The following IGLL1 variants were observed in gnomAD, a reference collection of about 807,000 sequenced individuals.
IGLL1 encodes immunoglobulin lambda like polypeptide 1.
Under a neutral mutation model 10.5 loss-of-function variants are expected in IGLL1, and 10 were observed. The ratio of observed to expected loss-of-function variants is 0.95; its 90% CI spans 0.59 to 1.62. The LOEUF is 1.62. Ranked by LOEUF, IGLL1 falls within the 40% of genes most tolerant of loss-of-function variation. IGLL1 has a pLI of 0.00. For synonymous variants in IGLL1, 141 were observed against 122.7 expected (o/e 1.15, Z -0.99); for missense variants, 284 against 278.7 (o/e 1.02, Z -0.14).
chr22:23,576,700 G>A (rs1179550667), intron 1 of IGLL1, among the ~76,000 whole-genome samples: 1 of 152,160 alleles, frequency 6.6e-6, no homozygotes, highest in Non-Finnish European at 1.5e-5. Context: ...TCAAAGTGCT[G>A]GGATTATAGG....
At chr22:23,578,031 G>A (rs1046456929) in intron 1 of IGLL1, among the ~76,000 whole-genome samples, 2 of 151,390 alleles carry the variant, frequency 1.3e-5, no homozygotes, top group Admixed American at 6.6e-5. Flanking sequence ...CTATAGGCTC[G>A]CGCCACCACG....
intron 2 of IGLL1, 63 bp downstream of exon 2, chr22:23,574,904 G>C: frequency 8.6e-7 from 1 of 1,166,840 alleles, no homozygotes; most frequent in Non-Finnish European, 1.3e-6. Context: ...GCCCCAGAGA[G>C]AGAAAACACA....
chr22:23,580,035 A>T lies in IGLL1; in HGVS notation c.156T>A (p.Pro52=). 1 of 1,577,166 alleles carries T rather than the reference A, an allele frequency of 6.3e-7. No homozygotes were observed. The highest frequency in any genetic ancestry group is 2.3e-5 in the East Asian group (1 of 43,332). The stretch of plus-strand genomic sequence containing the variant: ...ACCGGCTGCTTCCTCCAGGGGCTCC[A>T]GGGCCCAGGGCCCTGCTCTGCGATG... The part of the protein sequence containing the change: ...TAASQSRALG[P]GAPGGSSRSS... The change falls in exon 1 of 3, where the codon CCT becomes CCA. Residue 52 remains proline (P), a synonymous_variant. Coordinates refer to ENST00000330377, the MANE Select transcript of IGLL1 (RefSeq NM_020070.4).
At chr22:23,579,749 T>C (rs142979682) in intron 1 of IGLL1, among the ~76,000 whole-genome samples, 1 of 152,212 alleles carries the variant, frequency 6.6e-6, no homozygotes, top group Non-Finnish European at 1.5e-5. Context: ...GTGCCAAATG[T>C]AAGTGGGGGA....
intron 1 of IGLL1, among the ~76,000 whole-genome samples, chr22:23,577,713 T>A (rs1402681701): frequency 6.6e-6 from 1 of 151,930 alleles, no homozygotes; most frequent in Admixed American, 6.6e-5. Flanking sequence ...TTTTTATATG[T>A]TTTGTAGAAA....
In IGLL1 at chr22:23,580,032, TC is replaced by T; in HGVS notation, c.158del (p.Gly53GlufsTer11). On this transcript the variant is annotated frameshift_variant, in exon 1 of 3. Transcript: ENST00000330377. LOFTEE classifies it high-confidence loss of function. ...TGGACCGGCTGCTTCCTCCAGGGGC[TC>T]CAGGGCCCAGGGCCCTGCTCTGCGA... ...AASQSRALGPGAPGGSSRSSL... is the reference protein window; with the variant it reads ...AASQSRALGPXAPGGSSRSSL... 1 of 1,580,930 alleles carries T rather than the reference TC, an allele frequency of 6.3e-7. No individual in the cohort carries two copies.
chr22:23,573,692 G>A (rs1924910957), intron 2 of IGLL1, 107 bp from the exon 3 acceptor site: 1 of 828,294 alleles, frequency 1.2e-6, no homozygotes, highest in Non-Finnish European at 2.0e-6. Context: ...GTGGCCGCCT[G>A]GTCCACCCAG....
chr22:23,579,198 G>T (rs1925211472), intron 1 of IGLL1, among the ~76,000 whole-genome samples: 1 of 152,000 alleles, frequency 6.6e-6, no homozygotes, highest in Admixed American at 6.6e-5. Context: ...CCACCGAGAG[G>T]GAGGTTCTGC....
chr22:23,573,677 A>G lies in IGLL1; in HGVS notation c.323-92T>C, dbSNP rs1368565601. The stretch of plus-strand genomic sequence containing the variant: ...CTGTCTAAAGTCTCTGGGAGGGTTC[A>G]TGGTGTGGCCGCCTGGTCCACCCAG... On this transcript the variant is annotated intron_variant, in intron 2 of 2. Coordinates refer to ENST00000330377, the MANE Select transcript of IGLL1 (RefSeq NM_020070.4). 3.0e-6 allele frequency: 3 copies of G among 1,013,140 alleles called. No homozygotes were observed. In the African/African-American group the frequency reaches 4.7e-5, roughly 16 times the overall value. 62.8% of individuals were successfully genotyped at this position (1,013,140 alleles called of 1,614,324 possible). A position where few individuals can be genotyped will look rare whatever the true frequency, so the allele number is the denominator to read the frequency against.
intron 2 of IGLL1, 79 bp from the exon 3 acceptor site, chr22:23,573,664 T>C: frequency 1.7e-6 from 2 of 1,151,162 alleles, no homozygotes; most frequent in Non-Finnish European, 2.6e-6. Context: ...GTCTAAAGTC[T>C]CTGGGAGGGT....
chr22:23,578,516 A>T (rs1387414329), intron 1 of IGLL1, among the ~76,000 whole-genome samples: 1 of 152,166 alleles, frequency 6.6e-6, no homozygotes, highest in Admixed American at 6.5e-5. Flanking sequence ...GCCTGCCACC[A>T]TGCTGACCCC....
chr22:23,575,534 G>T (rs1602289745), intron 1 of IGLL1, among the ~76,000 whole-genome samples: 2 of 152,156 alleles, frequency 1.3e-5, no homozygotes, highest in East Asian at 3.9e-4. Flanking sequence ...TGTTCATGAA[G>T]CCTTTTCTGA....
intron 1 of IGLL1, among the ~76,000 whole-genome samples, chr22:23,579,344 G>T (rs755031716): frequency 9.2e-5 from 14 of 152,144 alleles, no homozygotes; most frequent in Non-Finnish European, 1.6e-4. Context: ...GGTGGCAATG[G>T]CTGAGGTCAC....
intron 1 of IGLL1, among the ~76,000 whole-genome samples, chr22:23,578,596 C>G (rs1925177432): frequency 1.3e-5 from 2 of 152,156 alleles, no homozygotes; most frequent in South Asian, 4.1e-4. Flanking sequence ...CACAGCCACC[C>G]CAGCATCCTC....
chr22:23,579,022 T>G (rs1925199361), intron 1 of IGLL1, among the ~76,000 whole-genome samples: 1 of 152,050 alleles, frequency 6.6e-6, no homozygotes, highest in African/African-American at 2.4e-5. Context: ...GAGATGCACG[T>G]GTCCGCTCGA....
chr22:23,574,909 AAC>A lies in IGLL1; in HGVS notation c.322+56_322+57del, dbSNP rs1379661822. On this transcript the variant is annotated intron_variant, in intron 2 of 2. Transcript: ENST00000330377. Reference sequence around the variant, plus strand: ...AGGGGAAGAAGCCCCAGAGAGAGAAAACACATTTTCCAGAGACAGGAGAGGGT... The same window carrying A: ...AGGGGAAGAAGCCCCAGAGAGAGAAAACATTTTCCAGAGACAGGAGAGGGT... 5.7e-6 allele frequency: 7 copies of A among 1,225,840 alleles called. No individual in the cohort carries two copies. In the African/African-American group the frequency reaches 1.0e-4, roughly 18 times the overall value. The allele number at this position is 1,225,840 out of a possible 1,614,324, so 75.9% of individuals were successfully genotyped here.
At chr22:23,579,006 G>A (rs1407942201) in intron 1 of IGLL1, among the ~76,000 whole-genome samples, 1 of 151,924 alleles carries the variant, frequency 6.6e-6, no homozygotes, top group East Asian at 1.9e-4. Context: ...GGAAACTCAG[G>A]TCCCAGAGAT....
intron 1 of IGLL1, among the ~76,000 whole-genome samples, chr22:23,578,726 G>A (rs886996107): frequency 6.6e-6 from 1 of 152,146 alleles, no homozygotes; most frequent in African/African-American, 2.4e-5. Flanking sequence ...AGGCTGAGGT[G>A]GGTGGATCAC....
At position 23,580,133 on chromosome 22, in the gene IGLL1, GGTT is replaced by G; in HGVS notation, c.55_57del (p.Asn19del). On this transcript the variant is annotated inframe_deletion, in exon 1 of 3. Transcript: ENST00000330377. ...AGCAGCAGGGGCCAGCGCTGCCTGA[GGTT>G]GGGGCCTGGCTCACCAGGGGCCTCA... The G allele has an allele frequency of 6.4e-7, 1 of 1,560,632 alleles. No individual in the cohort carries two copies. The highest frequency in any genetic ancestry group is 8.7e-7 in the Non-Finnish European group (1 of 1,155,616).
Sources: allele counts gnomAD v4.1 joint callset (sites outside exome capture counted in the v4.1 genomes callset), GRCh38; gene constraint gnomAD v4.1.1; transcripts MANE v1.5; gene names NCBI Gene and HGNC (gene_info 2026-07-23, HGNC 2026-07-21).